The following RIMBP2 variants were observed in gnomAD, a reference collection of about 807,000 sequenced individuals.
RIMBP2 encodes the protein RIMS-binding protein 2.
Under a neutral mutation model 118.6 loss-of-function variants are expected in RIMBP2, and 48 were observed. The ratio of observed to expected loss-of-function variants is 0.40; its 90% CI spans 0.32 to 0.51. The LOEUF (loss-of-function observed/expected upper bound fraction) is 0.51. RIMBP2 is among the 20% of genes least tolerant of loss of function. The probability of loss-of-function intolerance (pLI) is 0.41; values close to 1 mark genes in which losing one functional copy is unlikely to be tolerated. For missense variants in RIMBP2, 1,551 were observed against 1,768.3 expected, an observed-to-expected ratio of 0.88 and a Z score of 2.20; for synonymous variants, 762 against 742.9, an observed-to-expected ratio of 1.03 and a Z score of -0.42.
rs1357743998 is a variant in RIMBP2 at position 130,475,833 on chromosome 12, A to T, written c.102+3079T>A. Reference sequence around the variant, plus strand: ...GCCGTTTACGGAGCTCAAGGAGTTCAGCAGAAGTGCAGGTGTTGGTGAGGA... The same window carrying T: ...GCCGTTTACGGAGCTCAAGGAGTTCTGCAGAAGTGCAGGTGTTGGTGAGGA... On this transcript the variant is annotated intron_variant, in intron 5 of 22. Transcript: ENST00000690449. The surrounding 1 kb of genome is among the most constrained non-coding windows in gnomAD (Gnocchi z 4.1). Among the ~76,000 whole-genome samples, 1 of 152,134 alleles carries T rather than the reference A, an allele frequency of 6.6e-6. No individual in the cohort carries two copies. Among genetic ancestry groups the T allele is most frequent in the Non-Finnish European group, 1.5e-5 (1 of 68,016 alleles).
At chr12:130,706,490 G>A (rs1039463321) in intron 1 of RIMBP2, among the ~76,000 whole-genome samples, 4 of 152,252 alleles carry the variant, frequency 2.6e-5, no homozygotes, top group Non-Finnish European at 5.9e-5. Context: ...ACCAGTGAAG[G>A]CTGCTTCCGA....
chr12:130,664,421 GCACACACA>G (rs1483625943), intron 1 of RIMBP2, among the ~76,000 whole-genome samples: 14 of 80,820 alleles, frequency 1.7e-4, no homozygotes, highest in South Asian at 4.0e-4. Flanking sequence ...GCACACACAC[GCACACACA>G]TGCATGCACG....
chr12:130,455,297 G>A lies in RIMBP2; in HGVS notation c.358+1199C>T, dbSNP rs1008254890. Among the ~76,000 whole-genome samples, 56 of 152,350 alleles carry A rather than the reference G, an allele frequency of 3.7e-4. 1 individual carries two copies. The highest frequency in any genetic ancestry group is 2.1e-4 in the Non-Finnish European group (14 of 68,030). ...AGCCGCCTTCCAGGACCATCTAGAA[G>A]AGCCCAAGTCACTGTCCACCTCATC... On this transcript the variant is annotated intron_variant, in intron 7 of 22. Transcript: ENST00000690449.
chr12:130,618,251 A>G (rs1365832178), intron 2 of RIMBP2, among the ~76,000 whole-genome samples: 1 of 152,126 alleles, frequency 6.6e-6, no homozygotes, highest in South Asian at 2.1e-4. Flanking sequence ...TCCTCTCATC[A>G]CATTCACTCC....
At chr12:130,504,987 G>A (rs991946470) in intron 4 of RIMBP2, among the ~76,000 whole-genome samples, 1 of 152,148 alleles carries the variant, frequency 6.6e-6, no homozygotes, top group Non-Finnish European at 1.5e-5. Flanking sequence ...CTTCCTCCCA[G>A]GGATTCACGG....
At chr12:130,406,142 A>T in intron 21 of RIMBP2, 30 bp downstream of exon 21, 1 of 1,284,670 alleles carries the variant, frequency 7.8e-7, no homozygotes, top group Non-Finnish European at 1.1e-6. Flanking sequence ...CAAAAATCAA[A>T]TGGTACTTCT....
chr12:130,511,483 G>A lies in RIMBP2; in HGVS notation c.-126-4713C>T, dbSNP rs2050905755. Reference sequence around the variant, plus strand: ...CCTGGAAAGCCCTAAGCCCCAGTGAGCTGGGTCCCACCCCTCCCTATTCCC... The same window carrying A: ...CCTGGAAAGCCCTAAGCCCCAGTGAACTGGGTCCCACCCCTCCCTATTCCC... On this transcript the variant is annotated intron_variant, in intron 3 of 22. Coordinates refer to ENST00000690449, the MANE Select transcript of RIMBP2 (RefSeq NM_001393629.1). This position sits in a 1 kb window ranked among gnomAD's most constrained non-coding sequence, Gnocchi z 4.3. Among the ~76,000 whole-genome samples, 1 of 152,210 alleles carries A rather than the reference G, an allele frequency of 6.6e-6. No homozygotes were observed. Among genetic ancestry groups the A allele is most frequent in the Non-Finnish European group, 1.5e-5 (1 of 68,048 alleles).
Position 130,441,876 on chromosome 12 carries a change from G to A in RIMBP2, c.1476C>T (p.Ala492=). Residue 492 remains alanine (A), a synonymous_variant, in exon 11 of 23, where the codon GCC becomes GCT. Transcript: ENST00000690449. The stretch of plus-strand genomic sequence containing the variant: ...CAGGCAACGTGGAGAACTCCACAAA[G>A]GCCTCCTTCTTCTCCCTTTGCTCCA... ...LPLEQREKKE[A]FVEFSTLPAG... 1 of 1,613,806 alleles carries A rather than the reference G, an allele frequency of 6.2e-7. No individual in the cohort carries two copies.
At chr12:130,584,184 TCATCTCAC>T (rs2058680330) in intron 2 of RIMBP2, among the ~76,000 whole-genome samples, 1 of 145,386 alleles carries the variant, frequency 6.9e-6, no homozygotes, top group African/African-American at 2.6e-5. Context: ...ATCACCACCA[TCATCTCAC>T]CACCTTATCA....
intron 4 of RIMBP2, among the ~76,000 whole-genome samples, chr12:130,494,044 C>A (rs1235237842): frequency 6.6e-6 from 1 of 152,140 alleles, no homozygotes; most frequent in Non-Finnish European, 1.5e-5. Context: ...AAGCGTTGAT[C>A]GGGTGAGGAT....
At chr12:130,561,426 G>C (rs1053467660) in intron 2 of RIMBP2, among the ~76,000 whole-genome samples, 1 of 152,130 alleles carries the variant, frequency 6.6e-6, no homozygotes, top group South Asian at 2.1e-4. Context: ...GTTAAAAGAG[G>C]AGCGTCAGAT....
chr12:130,602,435 T>TC (rs2059928639), intron 2 of RIMBP2, among the ~76,000 whole-genome samples: 1 of 152,324 alleles, frequency 6.6e-6, no homozygotes, highest in African/African-American at 2.4e-5. Flanking sequence ...TTCAATGCCC[T>TC]CCGCCCATTT....
At chr12:130,641,498 C>G (rs1328962392) in intron 1 of RIMBP2, among the ~76,000 whole-genome samples, 1 of 150,900 alleles carries the variant, frequency 6.6e-6, no homozygotes, top group African/African-American at 2.4e-5. Context: ...CTGCCGGACA[C>G]TCGGCCCGGC....
intron 4 of RIMBP2, among the ~76,000 whole-genome samples, chr12:130,506,053 TA>T (rs3215243): frequency 0.43 from 65,521 of 150,774 alleles, 14,557 homozygotes; most frequent in Non-Finnish European, 0.46. Context: ...TTTATTTTTG[TA>T]AAAAAATGTT....
intron 2 of RIMBP2, among the ~76,000 whole-genome samples, chr12:130,583,568 A>G (rs1455528704): frequency 6.8e-6 from 1 of 146,498 alleles, no homozygotes; most frequent in Non-Finnish European, 1.5e-5. Flanking sequence ...CATCACCACC[A>G]TCACCTCATC....
At chr12:130,491,589 TCA>T (rs2048645875) in intron 4 of RIMBP2, among the ~76,000 whole-genome samples, 1 of 152,150 alleles carries the variant, frequency 6.6e-6, no homozygotes, top group Admixed American at 6.5e-5. Flanking sequence ...ACTTTCCTTC[TCA>T]CAACTTCCAC....
chr12:130,411,553 T>TA (rs11390606), intron 19 of RIMBP2, among the ~76,000 whole-genome samples: 81,494 of 151,990 alleles, frequency 0.54, 22,630 homozygotes, highest in East Asian at 0.78. Flanking sequence ...AAAAATAGCA[T>TA]AAAAAATTTT....
Position 130,525,819 on chromosome 12 carries a change from A to G in RIMBP2, c.-216-7902T>C, listed in dbSNP as rs1298867765. ...TTCCTCCTCTTCTTTGTGAAATCTC[A>G]TCCAGTCCTCTCAGCACTGCCATGT... is the stretch of plus-strand genomic sequence containing the variant. On this transcript the variant is annotated intron_variant, in intron 2 of 22. Coordinates refer to ENST00000690449, the MANE Select transcript of RIMBP2 (RefSeq NM_001393629.1). This position sits in a 1 kb window ranked among gnomAD's most constrained non-coding sequence, Gnocchi z 4.4. Among the ~76,000 whole-genome samples, 1 of 152,128 alleles carries G rather than the reference A, an allele frequency of 6.6e-6. No individual in the cohort carries two copies. The highest frequency in any genetic ancestry group is 6.5e-5 in the Admixed American group (1 of 15,276).
chr12:130,659,058 C>T (rs1206972083), intron 1 of RIMBP2, among the ~76,000 whole-genome samples: 3 of 107,406 alleles, frequency 2.8e-5, no homozygotes, highest in African/African-American at 8.4e-5. Context: ...ATCTTCATCC[C>T]CCTTTGTGGA....
Sources: gnomAD v4.1 joint callset for allele counts (sites outside exome capture counted in the v4.1 genomes callset) on GRCh38, gnomAD v4.1.1 for gene constraint, Gnocchi (gnomAD v3.1) non-coding constraint, MANE v1.5 for transcripts, NCBI Gene and HGNC (gene_info 2026-07-23, HGNC 2026-07-21) for gene names.